The following MFHAS1 variants were observed in gnomAD, a reference collection of about 807,000 sequenced individuals.
MFHAS1 encodes malignant fibrous histiocytoma-amplified sequence 1.
Under a neutral mutation model 70.4 loss-of-function variants are expected in MFHAS1, and 50 were observed. The observed-to-expected ratio is 0.71, with a 90% CI of 0.57 to 0.90. MFHAS1 has a LOEUF of 0.90. MFHAS1 is among the 40% of genes least tolerant of loss of function. The pLI, the probability that MFHAS1 is intolerant of heterozygous loss-of-function variation, is 0.00. For missense variants in MFHAS1, 1,795 were observed against 1,347.6 expected, an observed-to-expected ratio of 1.33 and a Z score of -5.20; for synonymous variants, 952 against 620.0, an observed-to-expected ratio of 1.54 and a Z score of -7.96.
chr8:8,837,616 C>A (rs945266752), intron 1 of MFHAS1, among the ~76,000 whole-genome samples: 4 of 151,690 alleles, frequency 2.6e-5, no homozygotes, highest in Non-Finnish European at 5.9e-5. Flanking sequence ...GCACTCCAGC[C>A]TGGGCGACAG....
intron 1 of MFHAS1, among the ~76,000 whole-genome samples, chr8:8,852,375 G>A (rs781343578): frequency 2.0e-5 from 3 of 152,112 alleles, no homozygotes; most frequent in Non-Finnish European, 2.9e-5. Flanking sequence ...TTGGGAGGCT[G>A]AGGCAAGAGA....
intron 1 of MFHAS1, among the ~76,000 whole-genome samples, chr8:8,841,335 C>T (rs1300194322): frequency 2.0e-5 from 3 of 152,058 alleles, no homozygotes; most frequent in Non-Finnish European, 4.4e-5. Context: ...ATGAGCTGGG[C>T]GTGGTGGCGC....
chr8:8,871,114 G>A (rs562249522), intron 1 of MFHAS1, among the ~76,000 whole-genome samples: 3 of 152,234 alleles, frequency 2.0e-5, no homozygotes, highest in African/African-American at 7.2e-5. Flanking sequence ...AAGACCATAG[G>A]TTCCTGAGGA....
At chr8:8,860,299 A>C (rs560020613) in intron 1 of MFHAS1, among the ~76,000 whole-genome samples, 55 of 152,294 alleles carry the variant, frequency 3.6e-4, no homozygotes, top group African/African-American at 1.3e-3. Flanking sequence ...ACGCGTCAAC[A>C]ATCTCATCTG....
intron 1 of MFHAS1, among the ~76,000 whole-genome samples, chr8:8,806,633 G>C (rs1017209311): frequency 6.6e-6 from 1 of 152,154 alleles, no homozygotes; most frequent in Non-Finnish European, 1.5e-5. Flanking sequence ...GCTTTCTCTA[G>C]ATTTTGTATG....
intron 1 of MFHAS1, among the ~76,000 whole-genome samples, chr8:8,883,857 C>T (rs775053788): frequency 1.3e-4 from 20 of 151,976 alleles, no homozygotes; most frequent in Non-Finnish European, 2.5e-4. Flanking sequence ...CACCTCTTCA[C>T]GGACAAAGGG....
At chr8:8,880,096 G>A (rs542562505) in intron 1 of MFHAS1, among the ~76,000 whole-genome samples, 29 of 152,214 alleles carry the variant, frequency 1.9e-4, no homozygotes, top group South Asian at 6.2e-4. Context: ...CAGGAGGCTT[G>A]GATGCCCTCC....
At chr8:8,832,584 A>G (rs960351008) in intron 1 of MFHAS1, among the ~76,000 whole-genome samples, 2 of 151,704 alleles carry the variant, frequency 1.3e-5, no homozygotes, top group Non-Finnish European at 2.9e-5. Flanking sequence ...ATGACTGACA[A>G]TACCAAGTAC....
At chr8:8,840,508 T>G (rs549105113) in intron 1 of MFHAS1, among the ~76,000 whole-genome samples, 1 of 148,698 alleles carries the variant, frequency 6.7e-6, no homozygotes, top group East Asian at 2.0e-4. Context: ...ATCTGGAACA[T>G]CTTGTTCAAA....
In MFHAS1 at chr8:8,819,476, G is replaced by A. The variant is rs1806865688; in HGVS notation, c.2999-21985C>T. ...AAAAATTAGCCGGGCATGGTGGCGG[G>A]TGCCTGCAGTCCCAGCTACTCGGGA... On this transcript the variant is annotated intron_variant, in intron 1 of 2. Coordinates refer to ENST00000276282, the MANE Select transcript of MFHAS1 (RefSeq NM_004225.3). Among the ~76,000 whole-genome samples, 3 of 152,092 alleles carry A rather than the reference G, an allele frequency of 2.0e-5. No individual in the cohort carries two copies. In the South Asian group the frequency reaches 6.2e-4, roughly 32 times the overall value.
intron 1 of MFHAS1, among the ~76,000 whole-genome samples, chr8:8,889,859 G>C (rs891236887): frequency 3.3e-5 from 5 of 152,174 alleles, no homozygotes; most frequent in Non-Finnish European, 7.4e-5. Flanking sequence ...TGTTAGGAGA[G>C]GATGACACTT....
At chr8:8,873,980 T>C in intron 1 of MFHAS1, among the ~76,000 whole-genome samples, 1 of 152,230 alleles carries the variant, frequency 6.6e-6, no homozygotes, top group East Asian at 1.9e-4. Context: ...GTAATTATGC[T>C]GAAAACAATG....
Position 8,891,199 on chromosome 8 carries a change from G to C in MFHAS1, c.1860C>G (p.Ile620Met). The C allele has an allele frequency of 6.2e-7, 1 of 1,612,982 alleles. No individual in the cohort carries two copies. The highest frequency in any genetic ancestry group is 8.5e-7 in the Non-Finnish European group (1 of 1,180,036). ...FQYLLNHRLQILSPVLPVSCR... is the reference protein window; with the variant it reads ...FQYLLNHRLQMLSPVLPVSCR... ...AGCTAACAGGCAACACGGGGGAGAGGATCTGCAGCCGGTGGTTGAGCAGGT... is the reference window on the plus strand; with the variant it reads ...AGCTAACAGGCAACACGGGGGAGAGCATCTGCAGCCGGTGGTTGAGCAGGT... The change falls in exon 1 of 3, where the codon ATC becomes ATG. Residue 620 changes from isoleucine (I) to methionine (M), a missense_variant. Coordinates refer to ENST00000276282, the MANE Select transcript of MFHAS1 (RefSeq NM_004225.3). The surrounding 1 kb of genome is among the most constrained non-coding windows in gnomAD (Gnocchi z 5.4).
intron 1 of MFHAS1, among the ~76,000 whole-genome samples, chr8:8,851,767 C>T (rs955242803): frequency 1.3e-5 from 2 of 151,968 alleles, no homozygotes; most frequent in African/African-American, 4.8e-5. Flanking sequence ...GAAGTTAATC[C>T]AACCAAAACA....
intron 1 of MFHAS1, among the ~76,000 whole-genome samples, chr8:8,867,444 T>G (rs1808901044): frequency 6.6e-6 from 1 of 152,196 alleles, no homozygotes; most frequent in Admixed American, 6.5e-5. Flanking sequence ...AAAATTTTTT[T>G]TATAAAAACA....
chr8:8,868,160 G>A (rs1275315081), intron 1 of MFHAS1, among the ~76,000 whole-genome samples: 2 of 151,916 alleles, frequency 1.3e-5, no homozygotes, highest in African/African-American at 2.4e-5. Context: ...GAATCTCCCA[G>A]GTGCTTATTC....
chr8:8,790,402 TC>T, intron 2 of MFHAS1: 4 of 984,892 alleles, frequency 4.1e-6, no homozygotes, highest in Non-Finnish European at 4.8e-6. Flanking sequence ...CACTATCTTT[TC>T]CACTTAATTT....
intron 2 of MFHAS1, among the ~76,000 whole-genome samples, chr8:8,793,796 A>G (rs964772): frequency 0.2 from 30,782 of 152,094 alleles, 3,372 homozygotes; most frequent in African/African-American, 0.27. Flanking sequence ...AAAGTCGTGT[A>G]CACACGTTAG....
At chr8:8,880,479 C>A (rs897882838) in intron 1 of MFHAS1, among the ~76,000 whole-genome samples, 5 of 152,168 alleles carry the variant, frequency 3.3e-5, no homozygotes, top group African/African-American at 1.2e-4. Context: ...GGGCTTGACT[C>A]ATTAAGCCAC....
Sources: gnomAD v4.1 joint callset for allele counts (sites outside exome capture counted in the v4.1 genomes callset) on GRCh38, gnomAD v4.1.1 for gene constraint, Gnocchi (gnomAD v3.1) non-coding constraint, MANE v1.5 for transcripts, NCBI Gene and HGNC (gene_info 2026-07-23, HGNC 2026-07-21) for gene names.